KIAA1217: variants seen among roughly 807,000 people sequenced by gnomAD.
The protein encoded by KIAA1217 is KIAA1217.
Under a neutral mutation model 163.9 loss-of-function variants are expected in KIAA1217, and 88 were observed. The observed-to-expected ratio is 0.54, with a 90% CI of 0.45 to 0.64. KIAA1217 has a LOEUF of 0.64. Among genes scored for constraint, KIAA1217 ranks in the 30% least tolerant of loss-of-function variants. The probability of loss-of-function intolerance (pLI) is 0.00; values close to 1 mark genes in which losing one functional copy is unlikely to be tolerated. For missense variants in KIAA1217, 2,372 were observed against 2,475.0 expected (o/e 0.96, Z 0.88); for synonymous variants, 903 against 923.1 (o/e 0.98, Z 0.39).
intron 10 of KIAA1217, 130 bp from the exon 11 acceptor site, chr10:24,519,993 C>A: frequency 9.6e-7 from 1 of 1,045,022 alleles, no homozygotes; most frequent in Non-Finnish European, 1.4e-6. Flanking sequence ...CCACCACCAC[C>A]ACACGAAAGG....
chr10:24,319,405 A>G (rs970884098), intron 2 of KIAA1217, among the ~76,000 whole-genome samples: 5 of 139,342 alleles, frequency 3.6e-5, no homozygotes, highest in East Asian at 4.1e-4. Context: ...AAAAAAAAAA[A>G]GGCAGGGGAT....
chr10:24,155,098 G>A (rs1049074605), intron 2 of KIAA1217, among the ~76,000 whole-genome samples: 4 of 152,170 alleles, frequency 2.6e-5, no homozygotes, highest in African/African-American at 9.7e-5. Context: ...TTAAGGCACT[G>A]CACTGTACAC....
chr10:24,109,237 TA>T (rs2062749249), intron 2 of KIAA1217, among the ~76,000 whole-genome samples: 1 of 152,190 alleles, frequency 6.6e-6, no homozygotes, highest in Non-Finnish European at 1.5e-5. Flanking sequence ...ACGATGCCAC[TA>T]GGGGTGCTTA....
At chr10:23,804,843 A>T (rs758207344) in intron 1 of KIAA1217, among the ~76,000 whole-genome samples, 4 of 152,208 alleles carry the variant, frequency 2.6e-5, no homozygotes, top group Non-Finnish European at 5.9e-5. Flanking sequence ...GTATTTAATG[A>T]CACCTTAATA....
chr10:24,257,823 T>C (rs563543909), intron 2 of KIAA1217, among the ~76,000 whole-genome samples: 3 of 152,208 alleles, frequency 2.0e-5, no homozygotes, highest in African/African-American at 7.2e-5. Context: ...CGGGATAACG[T>C]AGCAGTCCCA....
intron 1 of KIAA1217, among the ~76,000 whole-genome samples, chr10:23,924,426 T>A (rs1311723631): frequency 6.6e-6 from 1 of 152,054 alleles, no homozygotes; most frequent in Non-Finnish European, 1.5e-5. Context: ...AAGAAGAAAA[T>A]GTAGGATTTT....
chr10:24,056,024 T>C (rs1477444015), intron 2 of KIAA1217, among the ~76,000 whole-genome samples: 2 of 151,394 alleles, frequency 1.3e-5, no homozygotes, highest in Non-Finnish European at 2.9e-5. Context: ...GTAAAGAAAT[T>C]CCTCTGAGGC....
chr10:24,401,183 CAA>C (rs1491337648), intron 3 of KIAA1217, among the ~76,000 whole-genome samples: 1 of 136,086 alleles, frequency 7.3e-6, no homozygotes, highest in African/African-American at 3.7e-5. Context: ...TACCATCAAC[CAA>C]TATATATATA....
intron 2 of KIAA1217, among the ~76,000 whole-genome samples, chr10:24,178,618 A>T (rs1296165564): frequency 6.6e-6 from 1 of 152,252 alleles, no homozygotes; most frequent in Non-Finnish European, 1.5e-5. Flanking sequence ...CAGACATAAA[A>T]TAAGTAAAGG....
chr10:24,422,892 T>C (rs1228363592), intron 3 of KIAA1217, among the ~76,000 whole-genome samples: 4 of 149,548 alleles, frequency 2.7e-5, no homozygotes, highest in Non-Finnish European at 5.9e-5. Flanking sequence ...TTACTTCCTA[T>C]AGATTTAACT....
intron 2 of KIAA1217, among the ~76,000 whole-genome samples, chr10:24,201,576 C>T (rs1398920000): frequency 1.3e-5 from 2 of 152,190 alleles, no homozygotes; most frequent in East Asian, 3.9e-4. Context: ...GGAGGGCTTC[C>T]TCTACCTCCT....
At chr10:24,284,296 T>G (rs1474800688) in intron 2 of KIAA1217, among the ~76,000 whole-genome samples, 1 of 152,166 alleles carries the variant, frequency 6.6e-6, no homozygotes, top group Admixed American at 6.5e-5. Flanking sequence ...TGTATGATGC[T>G]GAGGTTTGGG....
intron 2 of KIAA1217, among the ~76,000 whole-genome samples, chr10:24,267,647 T>G (rs2076363256): frequency 6.6e-6 from 1 of 152,216 alleles, no homozygotes. Flanking sequence ...CCTAAGAGAA[T>G]GATAGACTGC....
chr10:24,330,566 G>T (rs1010065938), intron 2 of KIAA1217, among the ~76,000 whole-genome samples: 1 of 152,110 alleles, frequency 6.6e-6, no homozygotes, highest in Non-Finnish European at 1.5e-5. Flanking sequence ...CAGGGGTCTT[G>T]CTGCCCTCTT....
intron 2 of KIAA1217, among the ~76,000 whole-genome samples, chr10:24,162,244 T>G (rs1463713586): frequency 6.6e-6 from 1 of 152,212 alleles, no homozygotes; most frequent in African/African-American, 2.4e-5. Context: ...TCCGAAAGCA[T>G]AAGACAGCAG....
At chr10:23,876,996 C>T (rs1258254050) in intron 1 of KIAA1217, among the ~76,000 whole-genome samples, 12 of 151,830 alleles carry the variant, frequency 7.9e-5, no homozygotes, top group African/African-American at 2.9e-4. Flanking sequence ...GGCTTGACAC[C>T]GCCAACTTCT....
Position 24,527,930 on chromosome 10 carries a change from C to T in KIAA1217, c.2899-6C>T, listed in dbSNP as rs1371083301. ...GTAACTTCCTTTACGTGCTATATTC[C>T]TCCAGAAAGCAGAAAAGAAATGGGA... On this transcript the variant is annotated splice_region_variant and splice_polypyrimidine_tract_variant and intron_variant, in intron 13 of 20. Transcript: ENST00000376454. 2 of 1,612,178 alleles carry T rather than the reference C, an allele frequency of 1.2e-6. No individual in the cohort carries two copies. Among genetic ancestry groups the T allele is most frequent in the Non-Finnish European group, 8.5e-7 (1 of 1,178,930 alleles).
intron 1 of KIAA1217, among the ~76,000 whole-genome samples, chr10:23,962,905 CA>C (rs1487244798): frequency 2.0e-5 from 3 of 152,068 alleles, no homozygotes; most frequent in Non-Finnish European, 4.4e-5. Context: ...AGGTGGACAC[CA>C]GGTCAGATCT....
chr10:24,260,986 A>G (rs187107968), intron 2 of KIAA1217, among the ~76,000 whole-genome samples: 5 of 152,282 alleles, frequency 3.3e-5, no homozygotes, highest in African/African-American at 1.2e-4. Flanking sequence ...GGGAGGACAA[A>G]ATGCCTGTTT....
Sources: gnomAD v4.1 joint callset for allele counts (sites outside exome capture counted in the v4.1 genomes callset) on GRCh38, gnomAD v4.1.1 for gene constraint, MANE v1.5 for transcripts, NCBI Gene and HGNC (gene_info 2026-07-23, HGNC 2026-07-21) for gene names.